EPHA10: variants seen among roughly 807,000 people sequenced by gnomAD.
The protein encoded by EPHA10 is EPH receptor A10.
Under a neutral mutation model 109.7 loss-of-function variants are expected in EPHA10, and 120 were observed. The ratio of observed to expected loss-of-function variants is 1.09; its 90% CI spans 0.94 to 1.27. The LOEUF (loss-of-function observed/expected upper bound fraction) is 1.27. Ranked by LOEUF, EPHA10 falls within the 50% of genes most tolerant of loss-of-function variation. The probability of loss-of-function intolerance (pLI) is 0.00; values close to 1 mark genes in which losing one functional copy is unlikely to be tolerated. For synonymous variants in EPHA10, 640 were observed against 618.9 expected (o/e 1.03, Z -0.51); for missense variants, 1,396 against 1,411.1 (o/e 0.99, Z 0.17).
intron 6 of EPHA10, among the ~76,000 whole-genome samples, chr1:37,732,345 C>T (rs897272302): frequency 7.9e-5 from 12 of 152,144 alleles, no homozygotes; most frequent in Admixed American, 2.6e-4. Flanking sequence ...GCCCCCCGCT[C>T]CACCCCAACA....
Position 37,717,679 on chromosome 1 carries a change from C to T in EPHA10, c.*693G>A, listed in dbSNP as rs533423547. The stretch of plus-strand genomic sequence containing the variant: ...GGGAGCACCAGGGCCTCTCATGGCC[C>T]GGCCTGGCCAGGACTTTTGGCCTCA... On this transcript the variant is annotated 3_prime_UTR_variant, in exon 17 of 17. Transcript: ENST00000373048. 9.1e-5 allele frequency: 21 copies of T among 231,428 alleles called. No homozygotes were observed. Among genetic ancestry groups the T allele is most frequent in the African/African-American group, 4.0e-4 (18 of 45,346 alleles). The allele number at this position is 231,428 out of a possible 1,614,324, so 14.3% of individuals were successfully genotyped here.
chr1:37,746,392 G>T (rs115749372), intron 5 of EPHA10, among the ~76,000 whole-genome samples: 5 of 151,776 alleles, frequency 3.3e-5, no homozygotes, highest in Admixed American at 6.6e-5. Context: ...CCACCACACC[G>T]GGTAGTGTCT....
In EPHA10 at chr1:37,753,004, G is replaced by A; in HGVS notation, c.1229C>T (p.Ala410Val). ...GCCGGGCCGCAGGTGCAGCAGCGTG[G>A]CGGCTCGCTCCCGCAGCCCTGCCTG... ...PRQAGLRERA[A>V]TLLHLRPGAR... is the part of the protein sequence containing the mutation. Residue 410 changes from alanine (A) to valine (V), a missense_variant, in exon 5 of 17, where the codon GCC becomes GTC. Transcript: ENST00000373048. 1 of 1,231,970 alleles carries A rather than the reference G, an allele frequency of 8.1e-7. No individual in the cohort carries two copies. The highest frequency in any genetic ancestry group is 1.0e-6 in the Non-Finnish European group (1 of 988,148). The allele number at this position is 1,231,970 out of a possible 1,614,324, so 76.3% of individuals were successfully genotyped here. A position where few individuals can be genotyped will look rare whatever the true frequency, so the allele number is the denominator to read the frequency against.
chr1:37,720,720 A>C, intron 12 of EPHA10, 63 bp downstream of exon 12: 2 of 1,594,396 alleles, frequency 1.3e-6, no homozygotes, highest in Admixed American at 1.7e-5. Flanking sequence ...CAAAGAGAAA[A>C]GTGAGGGACC....
intron 6 of EPHA10, chr1:37,734,708 T>C (rs374113086): frequency 6.7e-6 from 3 of 445,222 alleles, no homozygotes; most frequent in Admixed American, 2.6e-5. Flanking sequence ...CAATTGGCCA[T>C]ATGGAGTTCA....
intron 7 of EPHA10, among the ~76,000 whole-genome samples, chr1:37,730,920 G>C (rs558789247): frequency 4.2e-4 from 64 of 152,266 alleles, no homozygotes; most frequent in African/African-American, 1.5e-3. Flanking sequence ...TCGAACTCCT[G>C]ACCTCAGGTG....
chr1:37,755,833 C>A (rs762039511), intron 3 of EPHA10, among the ~76,000 whole-genome samples: 1 of 152,170 alleles, frequency 6.6e-6, no homozygotes, highest in Non-Finnish European at 1.5e-5. Context: ...CCTGGCCCTA[C>A]CTCTCAGAAC....
At position 37,762,080 on chromosome 1, in the gene EPHA10, C is replaced by G. The variant is rs1362374316; in HGVS notation, c.175G>C (p.Glu59Gln). The G allele has an allele frequency of 4.4e-6, 7 of 1,580,574 alleles. No homozygotes were observed. The South Asian group carries it at 7.0e-5, about 16-fold the overall frequency. The change falls in exon 3 of 17, where the codon GAG (glutamate) becomes CAG (glutamine). Residue 59 changes from glutamate (E) to glutamine (Q), a missense_variant. Glu to Gln is a conservative substitution (Grantham distance 29). Transcript: ENST00000373048. Reference protein sequence around the residue: ...GWTALPSNGWEEISGVDEHDR... With the variant: ...GWTALPSNGWQEISGVDEHDR... ...TGTTCATCCACGCCGCTGATCTCCT[C>G]CCACTGGGGACAAGAGTAAAGGGGT...
intron 11 of EPHA10, 53 bp from the exon 12 acceptor site, chr1:37,720,897 G>T: frequency 6.3e-7 from 1 of 1,579,114 alleles, no homozygotes; most frequent in Non-Finnish European, 8.7e-7. Flanking sequence ...CACTCCGCAC[G>T]CACACAAGTT....
intron 11 of EPHA10, among the ~76,000 whole-genome samples, chr1:37,721,316 T>C (rs1645791993): frequency 6.7e-6 from 1 of 149,244 alleles, no homozygotes; most frequent in Non-Finnish European, 1.5e-5. Context: ...TAGTCCCAGC[T>C]GCTCGGGAGG....
chr1:37,753,249 CG>C, intron 4 of EPHA10, 23 bp from the exon 5 acceptor site: 2 of 754,114 alleles, frequency 2.7e-6, no homozygotes, highest in Non-Finnish European at 3.1e-6. Flanking sequence ...AGGGGCGGGG[CG>C]GTCAGGGCGG....
rs1259391651 is a variant in EPHA10 at position 37,761,606 on chromosome 1, C to G, written c.649G>C (p.Gly217Arg). 10 of 1,602,488 alleles carry G rather than the reference C, an allele frequency of 6.2e-6. No homozygotes were observed. In the African/African-American group the frequency reaches 8.0e-5, roughly 13 times the overall value. Residue 217 changes from glycine (G) to arginine (R), a missense_variant, in exon 3 of 17, where the codon GGC becomes CGC. Gly to Arg is a moderately radical substitution (Grantham distance 125). Coordinates refer to ENST00000373048, the MANE Select transcript of EPHA10 (RefSeq NM_001099439.2). ...YYKQCRATVR[G>R]LATFPATAAE... ...GCGGTGGCTGGGAACGTGGCCAGGC[C>G]CCGCACGGTGGCGCGGCACTGCTTG...
In EPHA10 at chr1:37,735,312, G is replaced by A; in HGVS notation, c.1436C>T (p.Pro479Leu). 6.4e-7 allele frequency: 1 copy of A among 1,561,432 alleles called. No individual in the cohort carries two copies. The highest frequency in any genetic ancestry group is 1.2e-5 in the South Asian group (1 of 84,826). Reference protein sequence around the residue: ...SVSLSWREPIPAGAPGANDTE... With the variant: ...SVSLSWREPILAGAPGANDTE... ...GTCATTGGCCCCAGGGGCTCCGGCA[G>A]GGATGGGCTCCCGCCACGACAGGGA... The change falls in exon 6 of 17, where the codon CCT (proline) becomes CTT (leucine). Residue 479 changes from proline to leucine, a missense_variant. Physicochemically the swap from Pro to Leu is moderately conservative, Grantham distance 98. Transcript: ENST00000373048.
Position 37,753,086 on chromosome 1 carries a change from C to G in EPHA10, c.1147G>C (p.Glu383Gln). ...GGCTCGCAGGCGCCCGCCGGGCCCT[C>G]GCGGCCGCAGCGCAGGCACAGCAGC... ...YSLLCLRCGR[E>Q]GPAGACEPCG... Residue 383 changes from glutamate to glutamine, a missense_variant, in exon 5 of 17, where the codon GAG (glutamate) becomes CAG (glutamine). Glu to Gln is a conservative substitution (Grantham distance 29, BLOSUM62 2). Transcript: ENST00000373048. 1.3e-5 allele frequency: 17 copies of G among 1,310,986 alleles called. No individual in the cohort carries two copies. The highest frequency in any genetic ancestry group is 1.7e-5 in the Non-Finnish European group (17 of 1,029,964). 81.2% of individuals were successfully genotyped at this position (1,310,986 alleles called of 1,614,324 possible).
intron 5 of EPHA10, among the ~76,000 whole-genome samples, chr1:37,748,918 C>CATTT (rs1646280045): frequency 2.1e-5 from 2 of 95,306 alleles, no homozygotes; most frequent in Non-Finnish European, 3.9e-5. Flanking sequence ...TTCTTTTCAT[C>CATTT]TTTTTTTTTT....
At chr1:37,719,748 C>A (rs1317805686) in intron 14 of EPHA10, 141 bp from the exon 15 acceptor site, 24 of 1,386,732 alleles carry the variant, frequency 1.7e-5, no homozygotes, top group Non-Finnish European at 2.3e-5. Flanking sequence ...ACACACACAC[C>A]CAAGGAAGCC....
At chr1:37,734,707 A>T (rs747237114) in intron 6 of EPHA10, 4 of 445,900 alleles carry the variant, frequency 9.0e-6, no homozygotes, top group Non-Finnish European at 1.8e-5. Flanking sequence ...TCAATTGGCC[A>T]TATGGAGTTC....
At chr1:37,721,559 G>A in intron 11 of EPHA10, 101 bp downstream of exon 11, 2 of 1,243,062 alleles carry the variant, frequency 1.6e-6, no homozygotes. Context: ...CATAGCTGAG[G>A]GAAGGACCTG....
At chr1:37,745,826 G>A (rs1646232167) in intron 5 of EPHA10, among the ~76,000 whole-genome samples, 1 of 152,046 alleles carries the variant, frequency 6.6e-6, no homozygotes, top group Non-Finnish European at 1.5e-5. Context: ...CTCCAGCCTG[G>A]GTGACAGAGG....
Sources: gnomAD v4.1 joint callset for allele counts (sites outside exome capture counted in the v4.1 genomes callset) on GRCh38, gnomAD v4.1.1 for gene constraint, MANE v1.5 for transcripts, NCBI Gene and HGNC (gene_info 2026-07-23, HGNC 2026-07-21) for gene names.